The following RBFOX1 variants were observed in gnomAD, a reference collection of about 807,000 sequenced individuals.
The protein encoded by RBFOX1 is RNA binding fox-1 homolog 1.
In RBFOX1, 8 loss-of-function variants were observed where a neutral mutation model predicts 57.7. The observed-to-expected ratio is 0.14, with a 90% CI of 0.08 to 0.25. RBFOX1 has a LOEUF of 0.25. RBFOX1 is among the 10% of genes least tolerant of loss of function. RBFOX1 has a pLI of 1.00. For synonymous variants in RBFOX1, 326 were observed against 222.4 expected, an observed-to-expected ratio of 1.47 and a Z score of -4.15; for missense variants, 611 against 548.5, an observed-to-expected ratio of 1.11 and a Z score of -1.14.
chr16:6,622,723 T>C (rs1036342108), intron 2 of RBFOX1, among the ~76,000 whole-genome samples: 2 of 152,232 alleles, frequency 1.3e-5, no homozygotes, highest in African/African-American at 4.8e-5. Context: ...ATTTTCTATT[T>C]TTAAAAGTGT....
At chr16:5,309,358 G>A (rs953907435) in intron 1 of RBFOX1, among the ~76,000 whole-genome samples, 1 of 152,138 alleles carries the variant, frequency 6.6e-6, no homozygotes, top group African/African-American at 2.4e-5. Flanking sequence ...CATAGATGAA[G>A]TAGCTCTCCT....
intron 4 of RBFOX1, among the ~76,000 whole-genome samples, chr16:7,052,545 T>C (rs1598185216): frequency 6.6e-6 from 1 of 152,292 alleles, no homozygotes; most frequent in South Asian, 2.1e-4. Flanking sequence ...GAATTTGTGT[T>C]ATCTATAGAC....
chr16:5,655,581 T>A (rs1365684936), intron 3 of RBFOX1, among the ~76,000 whole-genome samples: 1 of 152,128 alleles, frequency 6.6e-6, no homozygotes, highest in Non-Finnish European at 1.5e-5. Flanking sequence ...GCAAAGGGAA[T>A]GATTGGGTGA....
At chr16:6,695,992 C>G (rs1012354939) in intron 3 of RBFOX1, among the ~76,000 whole-genome samples, 1 of 152,162 alleles carries the variant, frequency 6.6e-6, no homozygotes. Flanking sequence ...CATACACACA[C>G]TGATCTGATT....
intron 1 of RBFOX1, among the ~76,000 whole-genome samples, chr16:6,254,925 C>A (rs895243183): frequency 2.6e-5 from 4 of 151,946 alleles, no homozygotes; most frequent in Non-Finnish European, 5.9e-5. Flanking sequence ...TACCGTTGAC[C>A]CATTCAGATT....
intron 3 of RBFOX1, among the ~76,000 whole-genome samples, chr16:6,753,761 G>A (rs982480106): frequency 6.6e-6 from 1 of 152,108 alleles, no homozygotes; most frequent in Non-Finnish European, 1.5e-5. Flanking sequence ...TTGGATTTAT[G>A]TGATTCGTAG....
intron 4 of RBFOX1, among the ~76,000 whole-genome samples, chr16:7,487,682 C>G (rs2065787562): frequency 6.6e-6 from 1 of 151,978 alleles, no homozygotes. Context: ...CACAGACACT[C>G]ACACACACAC....
intron 4 of RBFOX1, among the ~76,000 whole-genome samples, chr16:5,951,889 T>G (rs2059527372): frequency 6.6e-6 from 1 of 151,872 alleles, no homozygotes; most frequent in South Asian, 2.1e-4. Flanking sequence ...TGTGTGTATA[T>G]ACATATATAT....
At chr16:7,319,845 C>T (rs2096513455) in intron 4 of RBFOX1, among the ~76,000 whole-genome samples, 2 of 152,186 alleles carry the variant, frequency 1.3e-5, no homozygotes, top group South Asian at 4.1e-4. Context: ...GTTCTAATAT[C>T]CTCATTTGTA....
chr16:6,128,904 C>A (rs1042318696), intron 1 of RBFOX1, among the ~76,000 whole-genome samples: 4 of 152,154 alleles, frequency 2.6e-5, no homozygotes, highest in African/African-American at 4.8e-5. Context: ...GACTAAGTTC[C>A]AGTTTCACTA....
At chr16:6,753,469 T>C (rs924659400) in intron 3 of RBFOX1, among the ~76,000 whole-genome samples, 2 of 152,176 alleles carry the variant, frequency 1.3e-5, no homozygotes, top group Non-Finnish European at 2.9e-5. Flanking sequence ...TGCAGGAAGA[T>C]CATCTTGCTA....
At chr16:5,716,173 G>A (rs1419718968) in intron 3 of RBFOX1, among the ~76,000 whole-genome samples, 1 of 152,044 alleles carries the variant, frequency 6.6e-6, no homozygotes. Flanking sequence ...TAGTAGTATC[G>A]GGCTCTTTTT....
chr16:5,563,434 A>AATAATAGTTTTCTGGAATATTTT (rs2045955537), intron 2 of RBFOX1, among the ~76,000 whole-genome samples: 1 of 152,210 alleles, frequency 6.6e-6, no homozygotes, highest in Non-Finnish European at 1.5e-5. Context: ...AAACTGTTGA[A>AATAATAGTTTTCTGGAATATTTT]ATAATAGTTT....
chr16:6,033,793 G>T (rs1300639191), intron 1 of RBFOX1, among the ~76,000 whole-genome samples: 3 of 152,182 alleles, frequency 2.0e-5, no homozygotes, highest in African/African-American at 7.2e-5. Context: ...CATTCTTAGA[G>T]GTGAAATTGT....
chr16:6,677,081 T>A (rs370582100), intron 3 of RBFOX1, among the ~76,000 whole-genome samples: 35 of 152,214 alleles, frequency 2.3e-4, no homozygotes, highest in African/African-American at 8.4e-4. Flanking sequence ...ACTAACTGCT[T>A]TACAAGCATG....
At chr16:6,483,530 G>A (rs920528670) in intron 2 of RBFOX1, 2 of 1,535,724 alleles carry the variant, frequency 1.3e-6, no homozygotes. Flanking sequence ...TGCAGTCGTG[G>A]GAGATGCCCT....
At chr16:7,421,705 G>A (rs879354477) in intron 4 of RBFOX1, among the ~76,000 whole-genome samples, 19 of 152,216 alleles carry the variant, frequency 1.2e-4, no homozygotes, top group Admixed American at 1.1e-3. Flanking sequence ...TTTGCCAAAG[G>A]GCAGTCATAG....
At chr16:6,204,581 A>G (rs1255506579) in intron 1 of RBFOX1, among the ~76,000 whole-genome samples, 1 of 152,224 alleles carries the variant, frequency 6.6e-6, no homozygotes, top group African/African-American at 2.4e-5. Context: ...TAGAAGTGGG[A>G]GCATCATGAT....
intron 2 of RBFOX1, among the ~76,000 whole-genome samples, chr16:6,340,795 T>C (rs117937595): frequency 6.6e-6 from 1 of 152,140 alleles, no homozygotes; most frequent in East Asian, 1.9e-4. Context: ...TGCAGCCCAG[T>C]AGGTCTTAGC....
Sources: allele counts gnomAD v4.1 joint callset (sites outside exome capture counted in the v4.1 genomes callset), GRCh38; gene constraint gnomAD v4.1.1; transcripts MANE v1.5; gene names NCBI Gene and HGNC (gene_info 2026-07-23, HGNC 2026-07-21).